The following PIK3R5 variants were observed in gnomAD, a reference collection of about 807,000 sequenced individuals.
PIK3R5 encodes phosphoinositide-3-kinase regulatory subunit 5, also known as phosphoinositide 3-kinase regulatory subunit 5.
A neutral mutation model predicts 94.9 loss-of-function variants in PIK3R5; 32 were observed. The ratio of observed to expected loss-of-function variants is 0.34; its 90% confidence interval spans 0.25 to 0.45. PIK3R5 has a LOEUF of 0.45. PIK3R5 is among the 20% of genes least tolerant of loss of function. The pLI, the probability that PIK3R5 is intolerant of heterozygous loss-of-function variation, is 1.00. For missense variants in PIK3R5, 853 were observed against 1,144.6 expected, an observed-to-expected ratio of 0.75 and a Z score of 3.68; for synonymous variants, 443 against 479.4, an observed-to-expected ratio of 0.92 and a Z score of 0.99.
At chr17:8,943,820 G>T (rs2151461478) in intron 1 of PIK3R5, among the ~76,000 whole-genome samples, 1 of 151,144 alleles carries the variant, frequency 6.6e-6, no homozygotes, top group East Asian at 1.9e-4. Context: ...CTTCCAACCT[G>T]ACCACACCTG....
chr17:8,902,171 T>A (rs1311242950), intron 5 of PIK3R5, among the ~76,000 whole-genome samples: 4 of 151,902 alleles, frequency 2.6e-5, no homozygotes, highest in Non-Finnish European at 5.9e-5. Flanking sequence ...GAATCATATT[T>A]ATTCATATTT....
At chr17:8,919,842 TTC>T (rs1555550086) in intron 1 of PIK3R5, among the ~76,000 whole-genome samples, 9 of 150,542 alleles carry the variant, frequency 6.0e-5, no homozygotes, top group South Asian at 2.1e-4. Flanking sequence ...TCTCCTCTCC[TTC>T]TCTCTCTCTC....
chr17:8,960,200 G>A (rs959658344), intron 1 of PIK3R5, among the ~76,000 whole-genome samples: 2 of 152,172 alleles, frequency 1.3e-5, no homozygotes, highest in Non-Finnish European at 2.9e-5. Flanking sequence ...AAGAATGCTG[G>A]AGAGAATGCA....
In PIK3R5 at chr17:8,890,953, C is replaced by T; in HGVS notation, c.483-41G>A. On this transcript the variant is annotated intron_variant, in intron 6 of 18. Coordinates refer to ENST00000447110, the MANE Select transcript of PIK3R5 (RefSeq NM_001142633.3). This position sits in a 1 kb window ranked among gnomAD's most constrained non-coding sequence, Gnocchi z 6.1. ...ACCGGCTATGGCACCCAGGGGTGCGCAGCATGCCACAGTGCAGCCACCCCC... is the reference window on the plus strand; with the variant it reads ...ACCGGCTATGGCACCCAGGGGTGCGTAGCATGCCACAGTGCAGCCACCCCC... The T allele has an allele frequency of 1.3e-6, 2 of 1,584,082 alleles. No individual in the cohort carries two copies. The highest frequency in any genetic ancestry group is 1.7e-6 in the Non-Finnish European group (2 of 1,164,022).
At chr17:8,938,907 A>G (rs980582336) in intron 1 of PIK3R5, among the ~76,000 whole-genome samples, 4 of 152,240 alleles carry the variant, frequency 2.6e-5, no homozygotes, top group African/African-American at 7.2e-5. Context: ...GTATCCAGGT[A>G]TGACCCAAGT....
chr17:8,934,614 G>C (rs2091040660), intron 1 of PIK3R5, among the ~76,000 whole-genome samples: 1 of 152,184 alleles, frequency 6.6e-6, no homozygotes, highest in South Asian at 2.1e-4. Context: ...TACAGTTTGG[G>C]AAAAGGACAA....
chr17:8,952,056 G>A (rs529917756), intron 1 of PIK3R5, among the ~76,000 whole-genome samples: 37 of 152,352 alleles, frequency 2.4e-4, no homozygotes, highest in East Asian at 2.1e-3. Context: ...AATTGCTAGA[G>A]CAGCCATTAT....
In PIK3R5 at chr17:8,909,165, C is replaced by T. The variant is rs757810031; in HGVS notation, c.113G>A (p.Cys38Tyr). The T allele has an allele frequency of 5.0e-6, 8 of 1,595,858 alleles. No homozygotes were observed. The highest frequency in any genetic ancestry group is 1.1e-5 in the South Asian group (1 of 88,608). ...CTCCTGCAGGCTCCAGCAGTTCAGA[C>T]ACAGCCCAGCTGGAAAAGGAGAGAG... Reference protein sequence around the residue: ...RRSTSWSAGLCLNCWSLQELV... With the variant: ...RRSTSWSAGLYLNCWSLQELV... Residue 38 changes from cysteine to tyrosine, a missense_variant, in exon 3 of 19, where the codon TGT becomes TAT. Physicochemically the swap from Cys to Tyr is radical, Grantham distance 194. Transcript: ENST00000447110. The surrounding 1 kb of genome is among the most constrained non-coding windows in gnomAD (Gnocchi z 4.3).
At chr17:8,894,800 C>A (rs1039833919) in intron 5 of PIK3R5, among the ~76,000 whole-genome samples, 1 of 147,790 alleles carries the variant, frequency 6.8e-6, no homozygotes, top group Non-Finnish European at 1.5e-5. Flanking sequence ...CAGTCCCCAT[C>A]GAGAGCAGGG....
At position 8,881,492 on chromosome 17, in the gene PIK3R5, C is replaced by T. The variant is rs2089657094; in HGVS notation, c.2382+138G>A. The T allele has an allele frequency of 4.1e-6, 3 of 738,104 alleles. No homozygotes were observed. Among genetic ancestry groups the T allele is most frequent in the East Asian group, 2.7e-5 (1 of 37,174 alleles). 45.7% of individuals were successfully genotyped at this position (738,104 alleles called of 1,614,324 possible). ...CCACCTCTCCTCTCTCTCTCACACA[C>T]ACACAAGTATGTACACACGGGTGTG... On this transcript the variant is annotated intron_variant, in intron 17 of 18. Transcript: ENST00000447110. This position sits in a 1 kb window ranked among gnomAD's most constrained non-coding sequence, Gnocchi z 4.8.
At position 8,935,520 on chromosome 17, in the gene PIK3R5, G is replaced by A. The variant is rs2091056821; in HGVS notation, c.-13-24013C>T. On this transcript the variant is annotated intron_variant, in intron 1 of 18. Coordinates refer to ENST00000447110, the MANE Select transcript of PIK3R5 (RefSeq NM_001142633.3). This position sits in a 1 kb window ranked among gnomAD's most constrained non-coding sequence, Gnocchi z 4.5. ...TCCTCTGCCAGAGGCCAAAGGAAGA[G>A]ATTCAGGTCAGAACCCAAGCTTCCC... 6.6e-6 allele frequency among the ~76,000 whole-genome samples: 1 copy of A among 152,180 alleles called. No homozygotes were observed. The highest frequency in any genetic ancestry group is 1.5e-5 in the Non-Finnish European group (1 of 68,032).
At position 8,888,454 on chromosome 17, in the gene PIK3R5, C is replaced by T; in HGVS notation, c.1333G>A (p.Gly445Ser). 6.3e-7 allele frequency: 1 copy of T among 1,599,254 alleles called. No individual in the cohort carries two copies. The highest frequency in any genetic ancestry group is 1.3e-5 in the African/African-American group (1 of 74,854). Residue 445 changes from glycine (G) to serine (S), a missense_variant, in exon 10 of 19, where the codon GGC becomes AGC. Gly to Ser is a moderately conservative substitution (Grantham distance 56). This residue lies in a region of PIK3R5 where 319 missense variants were observed against 339.8 expected (regional missense o/e 0.94). Coordinates refer to ENST00000447110, the MANE Select transcript of PIK3R5 (RefSeq NM_001142633.3). The surrounding 1 kb of genome is among the most constrained non-coding windows in gnomAD (Gnocchi z 7.8). Reference protein sequence around the residue: ...VLRRDSRSLEGSSDTALPLRR... With the variant: ...VLRRDSRSLESSSDTALPLRR... ...AGGGGCAGGGCCGTGTCCGAGCTGCCCTCCAGGCTCCGAGAGTCCCTCCGC... is the reference window on the plus strand; with the variant it reads ...AGGGGCAGGGCCGTGTCCGAGCTGCTCTCCAGGCTCCGAGAGTCCCTCCGC...
intron 3 of PIK3R5, 118 bp downstream of exon 3, chr17:8,908,956 G>A (rs1048003653): frequency 3.1e-6 from 2 of 635,926 alleles, no homozygotes; most frequent in African/African-American, 3.7e-5. Flanking sequence ...GGTTCCCAGG[G>A]CCTTTGCCCA....
rs1288977510 is a variant in PIK3R5 at position 8,886,594 on chromosome 17, C to T, written c.1917G>A (p.Lys639=). The T allele has an allele frequency of 6.3e-7, 1 of 1,596,764 alleles. No individual in the cohort carries two copies. The highest frequency in any genetic ancestry group is 1.3e-5 in the African/African-American group (1 of 74,302). Residue 639 remains lysine, a synonymous_variant, in exon 13 of 19, where the codon AAG becomes AAA. Coordinates refer to ENST00000447110, the MANE Select transcript of PIK3R5 (RefSeq NM_001142633.3). The part of the protein sequence containing the change: ...PPEVLCQQSL[K]AEAQALEGSP... ...AGCCCTCCAGGGCCTGGGCTTCAGC[C>T]TTCAGGGACTGCTGTGGCCAGAGGG...
At chr17:8,959,869 G>A (rs1017341991) in intron 1 of PIK3R5, among the ~76,000 whole-genome samples, 2 of 152,194 alleles carry the variant, frequency 1.3e-5, no homozygotes, top group African/African-American at 2.4e-5. Context: ...CAGAATGAAG[G>A]CCTGGCAAAA....
intron 1 of PIK3R5, among the ~76,000 whole-genome samples, chr17:8,949,907 A>G (rs890865733): frequency 3.9e-5 from 6 of 152,234 alleles, no homozygotes; most frequent in African/African-American, 1.2e-4. Flanking sequence ...GAAAATAAAA[A>G]TTTAAAAACA....
rs764322626 is a variant in PIK3R5, at chr17:8,887,083, C to T, written c.1905+13G>A. 1.1e-5 allele frequency: 18 copies of T among 1,613,588 alleles called. No individual in the cohort carries two copies. Among genetic ancestry groups the T allele is most frequent in the Middle Eastern group, 1.6e-4 (1 of 6,070 alleles). On this transcript the variant is annotated intron_variant, in intron 12 of 18. Transcript: ENST00000447110. ...GCCAGTGGACCCTGTTCCGCAACCA[C>T]GGGGCCACTTACCTGGCACAGGACT...
chr17:8,896,271 T>C lies in PIK3R5; in HGVS notation c.413-2616A>G, dbSNP rs2151383933. ...TGCTAAGTGGGGTGTGCAATGTCAG[T>C]TTCGAGACCACCCTTAACTCCACCC... On this transcript the variant is annotated intron_variant, in intron 5 of 18. Coordinates refer to ENST00000447110, the MANE Select transcript of PIK3R5 (RefSeq NM_001142633.3). This position sits in a 1 kb window ranked among gnomAD's most constrained non-coding sequence, Gnocchi z 4.0. Among the ~76,000 whole-genome samples, 1 of 152,170 alleles carries C rather than the reference T, an allele frequency of 6.6e-6. No homozygotes were observed. The highest frequency in any genetic ancestry group is 2.4e-5 in the African/African-American group (1 of 41,502).
At chr17:8,961,301 C>A (rs1193144985) in intron 1 of PIK3R5, among the ~76,000 whole-genome samples, 2 of 152,174 alleles carry the variant, frequency 1.3e-5, no homozygotes, top group African/African-American at 4.8e-5. Context: ...TGGACCGTCT[C>A]TGGAAAGTCA....
Sources: allele counts gnomAD v4.1 joint callset (sites outside exome capture counted in the v4.1 genomes callset), GRCh38; gene constraint gnomAD v4.1.1; regional missense constraint gnomAD v4.1.1; non-coding constraint Gnocchi (gnomAD v3.1); transcripts MANE v1.5; gene names NCBI Gene and HGNC (gene_info 2026-07-23, HGNC 2026-07-21).